PIEZO2: variants seen among roughly 807,000 people sequenced by gnomAD.
The protein encoded by PIEZO2 is piezo-type mechanosensitive ion channel component 2.
A neutral mutation model predicts 337.3 loss-of-function variants in PIEZO2; 172 were observed. That is an observed-to-expected ratio of 0.51 (90% CI 0.45 to 0.58). The LOEUF is 0.58. Among genes scored for constraint, PIEZO2 ranks in the 20% least tolerant of loss-of-function variants. The probability of loss-of-function intolerance (pLI) is 0.00; values close to 1 mark genes in which losing one functional copy is unlikely to be tolerated. For synonymous variants in PIEZO2, 1,251 were observed against 1,228.5 expected (o/e 1.02, Z -0.38); for missense variants, 3,028 against 3,391.3 (o/e 0.89, Z 2.66).
At position 10,813,129 on chromosome 18, in the gene PIEZO2, G is replaced by A. The variant is rs1033669849; in HGVS notation, c.918-5855C>T. On this transcript the variant is annotated intron_variant, in intron 7 of 55. Transcript: ENST00000674853. This position sits in a 1 kb window ranked among gnomAD's most constrained non-coding sequence, Gnocchi z 4.2. Reference sequence around the variant, plus strand: ...GGAGTATCTAGGATTACAGGCACGCGCCACCACGCTCAGCTAAGTTTTTGT... The same window carrying A: ...GGAGTATCTAGGATTACAGGCACGCACCACCACGCTCAGCTAAGTTTTTGT... 3.9e-5 allele frequency among the ~76,000 whole-genome samples: 6 copies of A among 151,986 alleles called. No individual in the cohort carries two copies. The highest frequency in any genetic ancestry group is 3.4e-3 in the Middle Eastern group (1 of 294).
chr18:11,063,309 A>T lies in PIEZO2; in HGVS notation c.160+2818T>A, dbSNP rs528372369. On this transcript the variant is annotated intron_variant, in intron 2 of 55. Transcript: ENST00000674853. ...GGTGGGGGGAGTGGGGAGGGATAGC[A>T]TTAGGAGATATACCTAATGTTAAAT... Among the ~76,000 whole-genome samples the T allele has an allele frequency of 1.9e-3, 288 of 150,958 alleles. 2 individuals are homozygous for T. Among genetic ancestry groups the T allele is most frequent in the African/African-American group, 6.5e-3 (268 of 41,076 alleles).
chr18:11,049,511 G>T (rs1338269149), intron 2 of PIEZO2, among the ~76,000 whole-genome samples: 2 of 152,216 alleles, frequency 1.3e-5, no homozygotes, highest in South Asian at 2.1e-4. Flanking sequence ...TAACTCAACT[G>T]TAATAACAGG....
At chr18:10,972,190 AAGAG>A (rs1175032610) in intron 3 of PIEZO2, among the ~76,000 whole-genome samples, 3 of 149,784 alleles carry the variant, frequency 2.0e-5, no homozygotes, top group Non-Finnish European at 3.0e-5. Flanking sequence ...AAAAAAAAAA[AAGAG>A]AGAGAGAGAT....
chr18:10,961,268 C>A (rs750507606), intron 3 of PIEZO2, among the ~76,000 whole-genome samples: 1 of 137,576 alleles, frequency 7.3e-6, no homozygotes, highest in Non-Finnish European at 1.6e-5. Flanking sequence ...ATTGCAGTGA[C>A]CTGCATGAAT....
Position 10,894,456 on chromosome 18 carries a change from A to G in PIEZO2, c.329+16730T>C, listed in dbSNP as rs548882321. ...GCAATAAGAGCAAAACTCCGTCCCA[A>G]AAAAAGAAAAAAAAGGCAAAATAGC... On this transcript the variant is annotated intron_variant, in intron 4 of 55. Transcript: ENST00000674853. This position sits in a 1 kb window ranked among gnomAD's most constrained non-coding sequence, Gnocchi z 4.1. The G allele has an allele frequency of 7.9e-5, 12 of 152,328 alleles. No individual in the cohort carries two copies. Among genetic ancestry groups the G allele is most frequent in the Admixed American group, 2.0e-4 (3 of 15,302 alleles). The allele number at this position is 152,328 out of a possible 1,614,324, so 9.4% of individuals were successfully genotyped here.
At chr18:10,814,249 A>T (rs12959717) in intron 7 of PIEZO2, among the ~76,000 whole-genome samples, 1 of 151,904 alleles carries the variant, frequency 6.6e-6, no homozygotes, top group Non-Finnish European at 1.5e-5. Flanking sequence ...GATTACAGGC[A>T]TGAGCCACCG....
chr18:10,961,520 C>A (rs963735538), intron 3 of PIEZO2, among the ~76,000 whole-genome samples: 2 of 151,996 alleles, frequency 1.3e-5, no homozygotes, highest in Non-Finnish European at 2.9e-5. Flanking sequence ...ATAACTTACT[C>A]ATGTAGCCAA....
chr18:10,899,212 C>A lies in PIEZO2; in HGVS notation c.329+11974G>T, dbSNP rs537951908. ...CTGACCTGGGAATGAAACAACCAAGCTATGGAAGTCATACAATACTGGGAC... is the reference window on the plus strand; with the variant it reads ...CTGACCTGGGAATGAAACAACCAAGATATGGAAGTCATACAATACTGGGAC... On this transcript the variant is annotated intron_variant, in intron 4 of 55. Coordinates refer to ENST00000674853, the MANE Select transcript of PIEZO2 (RefSeq NM_001378183.1). This position sits in a 1 kb window ranked among gnomAD's most constrained non-coding sequence, Gnocchi z 4.6. Among the ~76,000 whole-genome samples the A allele has an allele frequency of 1.3e-5, 2 of 152,266 alleles. No individual in the cohort carries two copies. Among genetic ancestry groups the A allele is most frequent in the South Asian group, 2.1e-4 (1 of 4,822 alleles).
At position 10,979,262 on chromosome 18, in the gene PIEZO2, T is replaced by A. The variant is rs995872081; in HGVS notation, c.286+273A>T. On this transcript the variant is annotated intron_variant, in intron 3 of 55. Coordinates refer to ENST00000674853, the MANE Select transcript of PIEZO2 (RefSeq NM_001378183.1). The surrounding 1 kb of genome is among the most constrained non-coding windows in gnomAD (Gnocchi z 4.0). ...CTGTCTGTAACTCTTGAATTTTAGG[T>A]TAAGCTCAATGAAAATGTCTTACAT... is the stretch of plus-strand genomic sequence containing the variant. Among the ~76,000 whole-genome samples, 2 of 152,098 alleles carry A rather than the reference T, an allele frequency of 1.3e-5. No individual in the cohort carries two copies. Among genetic ancestry groups the A allele is most frequent in the Admixed American group, 6.5e-5 (1 of 15,280 alleles).
chr18:11,026,154 C>T lies in PIEZO2; in HGVS notation c.160+39973G>A, dbSNP rs148162057. ...CATGCAATTGAGTTGCACCAGAGAC[C>T]GCTGTCAATAGTCATGGTCAGCAAA... On this transcript the variant is annotated intron_variant, in intron 2 of 55. Coordinates refer to ENST00000674853, the MANE Select transcript of PIEZO2 (RefSeq NM_001378183.1). 1.9e-3 allele frequency among the ~76,000 whole-genome samples: 296 copies of T among 152,308 alleles called. 1 individual carries two copies. Among genetic ancestry groups the T allele is most frequent in the African/African-American group, 6.8e-3 (282 of 41,570 alleles).
rs2039306480 is a variant in PIEZO2, at chr18:11,097,994, T to A, written c.65-31772A>T. On this transcript the variant is annotated intron_variant, in intron 1 of 55. Coordinates refer to ENST00000674853, the MANE Select transcript of PIEZO2 (RefSeq NM_001378183.1). The surrounding 1 kb of genome is among the most constrained non-coding windows in gnomAD (Gnocchi z 5.0). Reference sequence around the variant, plus strand: ...AAAATGAATTAATAATAAAAACTAATGCTCATATACTTTAATCCAGTAAAC... The same window carrying A: ...AAAATGAATTAATAATAAAAACTAAAGCTCATATACTTTAATCCAGTAAAC... 6.6e-6 allele frequency among the ~76,000 whole-genome samples: 1 copy of A among 152,192 alleles called. No individual in the cohort carries two copies. The highest frequency in any genetic ancestry group is 1.5e-5 in the Non-Finnish European group (1 of 68,012).
At chr18:10,845,113 C>T (rs1050551087) in intron 7 of PIEZO2, among the ~76,000 whole-genome samples, 1 of 151,944 alleles carries the variant, frequency 6.6e-6, no homozygotes, top group Admixed American at 6.6e-5. Context: ...ACATACCAGA[C>T]ACCATTTTAC....
chr18:11,083,308 G>A lies in PIEZO2; in HGVS notation c.65-17086C>T, dbSNP rs924854828. ...ACTTTGTGGTTCTTTATGAAAAGAG[G>A]GAAATATTTGTATTCACTTAGAGGC... is the stretch of plus-strand genomic sequence containing the variant. On this transcript the variant is annotated intron_variant, in intron 1 of 55. Coordinates refer to ENST00000674853, the MANE Select transcript of PIEZO2 (RefSeq NM_001378183.1). The surrounding 1 kb of genome is among the most constrained non-coding windows in gnomAD (Gnocchi z 4.4). Among the ~76,000 whole-genome samples the A allele has an allele frequency of 6.6e-6, 1 of 152,212 alleles. No homozygotes were observed. Among genetic ancestry groups the A allele is most frequent in the Non-Finnish European group, 1.5e-5 (1 of 68,030 alleles).
chr18:11,027,001 TTA>T lies in PIEZO2; in HGVS notation c.160+39124_160+39125del, dbSNP rs757384541. On this transcript the variant is annotated intron_variant, in intron 2 of 55. Coordinates refer to ENST00000674853, the MANE Select transcript of PIEZO2 (RefSeq NM_001378183.1). This position sits in a 1 kb window ranked among gnomAD's most constrained non-coding sequence, Gnocchi z 4.2. Reference sequence around the variant, plus strand: ...CTCGTCTCCAAGCTCTGCACAGCACTTATGTGTATGAGACAAGACTCTGCCCA... The same window carrying T: ...CTCGTCTCCAAGCTCTGCACAGCACTTGTGTATGAGACAAGACTCTGCCCA... 9.2e-5 allele frequency among the ~76,000 whole-genome samples: 14 copies of T among 152,330 alleles called. No individual in the cohort carries two copies. The highest frequency in any genetic ancestry group is 3.4e-3 in the Middle Eastern group (1 of 294).
At chr18:11,011,378 ATGCCG>A (rs2035894853) in intron 2 of PIEZO2, among the ~76,000 whole-genome samples, 1 of 152,194 alleles carries the variant, frequency 6.6e-6, no homozygotes, top group Non-Finnish European at 1.5e-5. Context: ...AAAATCTACT[ATGCCG>A]TGTTTGACTT....
intron 1 of PIEZO2, among the ~76,000 whole-genome samples, chr18:11,075,166 C>T (rs1461671501): frequency 3.3e-5 from 5 of 152,158 alleles, no homozygotes; most frequent in South Asian, 4.1e-4. Flanking sequence ...ACAGTTCTGT[C>T]GGTCCAGTAA....
chr18:10,764,379 C>T (rs991659860), intron 21 of PIEZO2, among the ~76,000 whole-genome samples: 7 of 152,130 alleles, frequency 4.6e-5, no homozygotes, highest in East Asian at 3.9e-4. Flanking sequence ...AGGTGGCTCA[C>T]GCCTGTAATC....
chr18:10,947,012 A>G (rs2033057377), intron 3 of PIEZO2, among the ~76,000 whole-genome samples: 1 of 152,188 alleles, frequency 6.6e-6, no homozygotes, highest in Admixed American at 6.5e-5. Flanking sequence ...AATACAAAAT[A>G]GAAGTTATTA....
rs2040466218 is a variant in PIEZO2, at chr18:10,819,669, C to T, written c.918-12395G>A. Among the ~76,000 whole-genome samples the T allele has an allele frequency of 6.6e-6, 1 of 152,192 alleles. No homozygotes were observed. Among genetic ancestry groups the T allele is most frequent in the South Asian group, 2.1e-4 (1 of 4,830 alleles). ...CGGTGTTCACCTTCATGCTTGTTCT[C>T]TCACGGTCGCAAGAAACTGCTGCAG... On this transcript the variant is annotated intron_variant, in intron 7 of 55. Coordinates refer to ENST00000674853, the MANE Select transcript of PIEZO2 (RefSeq NM_001378183.1). This position sits in a 1 kb window ranked among gnomAD's most constrained non-coding sequence, Gnocchi z 4.3.
Sources: gnomAD v4.1 joint callset for allele counts (sites outside exome capture counted in the v4.1 genomes callset) on GRCh38, gnomAD v4.1.1 for gene constraint, Gnocchi (gnomAD v3.1) non-coding constraint, MANE v1.5 for transcripts, NCBI Gene and HGNC (gene_info 2026-07-23, HGNC 2026-07-21) for gene names.